The following PLPP5 variants were observed in gnomAD, a reference collection of about 807,000 sequenced individuals.
PLPP5 encodes the protein phospholipid phosphatase 5.
In PLPP5, 29 loss-of-function variants were observed where a neutral mutation model predicts 23.6. That is an observed-to-expected ratio of 1.23 (90% CI 0.92 to 1.68). PLPP5 has a LOEUF of 1.68. Among genes scored for constraint, PLPP5 ranks in the 40% most tolerant of loss-of-function variants. The pLI is 0.00. For missense variants in PLPP5, 315 were observed against 332.1 expected, an observed-to-expected ratio of 0.95 and a Z score of 0.40; for synonymous variants, 143 against 131.3, an observed-to-expected ratio of 1.09 and a Z score of -0.61.
At chr8:38,267,830 T>C in intron 4 of PLPP5, 67 bp downstream of exon 4, 2 of 1,464,796 alleles carry the variant, frequency 1.4e-6, no homozygotes, top group Non-Finnish European at 1.9e-6. Flanking sequence ...GTGGACACCA[T>C]TAACCTCTCT....
chr8:38,268,564 A>C lies in PLPP5; in HGVS notation c.184-103T>G, dbSNP rs149182633. 148 of 1,500,134 alleles carry C rather than the reference A, an allele frequency of 9.9e-5. No individual in the cohort carries two copies. In the African/African-American group the frequency reaches 1.9e-3, roughly 19 times the overall value. The allele number at this position is 1,500,134 out of a possible 1,614,324, so 92.9% of individuals were successfully genotyped here. The stretch of plus-strand genomic sequence containing the variant: ...CACAGCAGGACTCACTGGAGCTAAC[A>C]TAAGGTCTCTGAGTGCGCGTAACCG... On this transcript the variant is annotated intron_variant, in intron 2 of 6. Coordinates refer to ENST00000424479, the MANE Select transcript of PLPP5 (RefSeq NM_001102559.2).
chr8:38,264,371 G>C lies in PLPP5; in HGVS notation c.*73C>G. On this transcript the variant is annotated 3_prime_UTR_variant, in exon 7 of 7. Coordinates refer to ENST00000424479, the MANE Select transcript of PLPP5 (RefSeq NM_001102559.2). ...GGCCAGGCTGGTCCTGACCTCAGGTGATCCACCCTCCTCAGCCTCCCAAAG... is the reference window on the plus strand; with the variant it reads ...GGCCAGGCTGGTCCTGACCTCAGGTCATCCACCCTCCTCAGCCTCCCAAAG... 1 of 1,248,610 alleles carries C rather than the reference G, an allele frequency of 8.0e-7. No homozygotes were observed. The highest frequency in any genetic ancestry group is 1.1e-6 in the Non-Finnish European group (1 of 921,820). 77.3% of individuals were successfully genotyped at this position (1,248,610 alleles called of 1,614,324 possible). A position where few individuals can be genotyped will look rare whatever the true frequency, so the allele number is the denominator to read the frequency against.
Position 38,267,400 on chromosome 8 carries a change from AAGC to A in PLPP5, c.339-12_339-10del. ...AGAAATCTGGGCGTGGCCTGGAAGAAAGCAGCATGGTTGGAACGTAAATCATTA... is the reference window on the plus strand; with the variant it reads ...AGAAATCTGGGCGTGGCCTGGAAGAAAGCATGGTTGGAACGTAAATCATTA... On this transcript the variant is annotated splice_polypyrimidine_tract_variant and intron_variant, in intron 4 of 6. Transcript: ENST00000424479. The A allele has an allele frequency of 1.2e-6, 2 of 1,612,286 alleles. No individual in the cohort carries two copies. Among genetic ancestry groups the A allele is most frequent in the Non-Finnish European group, 1.7e-6 (2 of 1,178,908 alleles).
intron 4 of PLPP5, 139 bp downstream of exon 4, chr8:38,267,758 G>T: frequency 2.2e-6 from 2 of 908,000 alleles, no homozygotes; most frequent in Admixed American, 2.3e-5. Flanking sequence ...GGGAGTAAGC[G>T]TTGAATGACA....
intron 4 of PLPP5, chr8:38,267,627 GAC>G: frequency 3.2e-6 from 2 of 620,528 alleles, no homozygotes; most frequent in Non-Finnish European, 5.5e-6. Flanking sequence ...AACAGCAAAT[GAC>G]ACTGCAGCTT....
rs542608468 is a variant in PLPP5, at chr8:38,266,230, G to A, written c.545C>T (p.Ser182Phe). The A allele has an allele frequency of 1.9e-6, 3 of 1,613,850 alleles. No homozygotes were observed. The highest frequency in any genetic ancestry group is 2.5e-6 in the Non-Finnish European group (3 of 1,179,830). ...HCFTPQGRGK[S>F]WRFCAFLSPL... Reference sequence around the variant, plus strand: ...TGACAGAAAGGCACAGAACCTCCAAGATTTCCCACGGCCTTGTGGTGTGAA... The same window carrying A: ...TGACAGAAAGGCACAGAACCTCCAAAATTTCCCACGGCCTTGTGGTGTGAA... Residue 182 changes from serine (S) to phenylalanine (F), a missense_variant, in exon 6 of 7, where the codon TCT becomes TTT. Physicochemically the swap from Ser to Phe is radical, Grantham distance 155. Transcript: ENST00000424479.
chr8:38,263,478 G>T lies in PLPP5; in HGVS notation c.*966C>A. 1 of 985,298 alleles carries T rather than the reference G, an allele frequency of 1.0e-6. No individual in the cohort carries two copies. Among genetic ancestry groups the T allele is most frequent in the Non-Finnish European group, 1.2e-6 (1 of 829,786 alleles). The allele number at this position is 985,298 out of a possible 1,614,324, so 61.0% of individuals were successfully genotyped here. A position where few individuals can be genotyped will look rare whatever the true frequency, so the allele number is the denominator to read the frequency against. ...TCAAATGAGGTAGAAACAGTCATCT[G>T]TTAGTAGTGCTGAAACCACACTCCT... On this transcript the variant is annotated 3_prime_UTR_variant, in exon 7 of 7. Transcript: ENST00000424479.
chr8:38,267,844 C>T (rs1807901508), intron 4 of PLPP5, 53 bp downstream of exon 4: 2 of 1,538,820 alleles, frequency 1.3e-6, no homozygotes, highest in Non-Finnish European at 1.8e-6. Flanking sequence ...CCTCTCTGTT[C>T]TGGTGGGTAA....
rs1389423278 is a variant in PLPP5, at chr8:38,269,106, C to T, written c.74+20G>A. ...CCTGGGAAGCGGGGCCGCCCGGGCC[C>T]GGCCGTGGATCTTTCTTACAGGAAG... On this transcript the variant is annotated intron_variant, in intron 1 of 6. Transcript: ENST00000424479. 1.2e-5 allele frequency: 19 copies of T among 1,525,046 alleles called. No homozygotes were observed. The highest frequency in any genetic ancestry group is 6.0e-5 in the South Asian group (5 of 83,364). 94.5% of individuals were successfully genotyped at this position (1,525,046 alleles called of 1,614,324 possible). A position where few individuals can be genotyped will look rare whatever the true frequency, so the allele number is the denominator to read the frequency against.
In PLPP5 at chr8:38,264,355, G is replaced by T. The variant is rs1415455865; in HGVS notation, c.*89C>A. ...CAGGGTTCACCATGTTGGCCAGGCT[G>T]GTCCTGACCTCAGGTGATCCACCCT... On this transcript the variant is annotated 3_prime_UTR_variant, in exon 7 of 7. Transcript: ENST00000424479. 1 of 1,056,966 alleles carries T rather than the reference G, an allele frequency of 9.5e-7. No individual in the cohort carries two copies. Among genetic ancestry groups the T allele is most frequent in the East Asian group, 2.9e-5 (1 of 35,076 alleles). 65.5% of individuals were successfully genotyped at this position (1,056,966 alleles called of 1,614,324 possible).
intron 3 of PLPP5, 116 bp from the exon 4 acceptor site, chr8:38,268,076 GGCA>G (rs1444104600): frequency 6.5e-7 from 1 of 1,534,458 alleles, no homozygotes; most frequent in African/African-American, 1.4e-5. Context: ...ACCAGGCCTG[GGCA>G]CAAAAATAAT....
In PLPP5 at chr8:38,264,268, C is replaced by T; in HGVS notation, c.*176G>A. 2 of 726,384 alleles carry T rather than the reference C, an allele frequency of 2.8e-6. No homozygotes were observed. The highest frequency in any genetic ancestry group is 6.5e-5 in the South Asian group (2 of 30,606). 45.0% of individuals were successfully genotyped at this position (726,384 alleles called of 1,614,324 possible). A position where few individuals can be genotyped will look rare whatever the true frequency, so the allele number is the denominator to read the frequency against. On this transcript the variant is annotated 3_prime_UTR_variant, in exon 7 of 7. Coordinates refer to ENST00000424479, the MANE Select transcript of PLPP5 (RefSeq NM_001102559.2). ...GTTCAAGCAATTCTCCTACCTCAGC[C>T]TCCCAGGTAGCTGGGATTACGGCAC...
intron 5 of PLPP5, chr8:38,266,527 AGTAGCTGGGACTCCAT>A (rs1470898555): frequency 2.6e-4 from 121 of 473,004 alleles, no homozygotes; most frequent in African/African-American, 2.3e-3. Flanking sequence ...TAGCCTCCCG[AGTAGCTGGGACTCCAT>A]GTGTGTGCCA....
chr8:38,267,534 A>G (rs984290050), intron 4 of PLPP5, 143 bp from the exon 5 acceptor site: 1 of 938,942 alleles, frequency 1.1e-6, no homozygotes, highest in Admixed American at 3.0e-5. Flanking sequence ...TATAGTCACC[A>G]CACTAAGAGA....
intron 1 of PLPP5, 63 bp from the exon 2 acceptor site, chr8:38,269,053 C>T: frequency 6.6e-7 from 1 of 1,525,524 alleles, no homozygotes; most frequent in African/African-American, 1.4e-5. Flanking sequence ...CCCCACTGCC[C>T]GACCCGCCGC....
chr8:38,268,160 A>G (rs890920559), intron 3 of PLPP5, 200 bp from the exon 4 acceptor site: 2 of 1,321,296 alleles, frequency 1.5e-6, no homozygotes, highest in Non-Finnish European at 2.0e-6. Context: ...TCTGAGGTAC[A>G]AATAACCCAG....
chr8:38,263,893 A>G lies in PLPP5; in HGVS notation c.*551T>C. ...GTAGATCTTCAGATATTAATCTGAT[A>G]GACCAGATTCATAAGGTGTTGGACA... On this transcript the variant is annotated 3_prime_UTR_variant, in exon 7 of 7. Transcript: ENST00000424479. The G allele has an allele frequency of 1.0e-6, 1 of 984,378 alleles. No homozygotes were observed. The allele number at this position is 984,378 out of a possible 1,614,324, so 61.0% of individuals were successfully genotyped here.
At chr8:38,266,334 G>C in intron 5 of PLPP5, 23 bp from the exon 6 acceptor site, 2 of 1,600,628 alleles carry the variant, frequency 1.2e-6, no homozygotes, top group South Asian at 1.1e-5. Context: ...AAACTTTTAA[G>C]TGGTTTGTCT....
At chr8:38,267,038 T>TAAC (rs1807723194) in intron 5 of PLPP5, 2 of 1,411,478 alleles carry the variant, frequency 1.4e-6, no homozygotes, top group African/African-American at 1.4e-5. Flanking sequence ...GCAAATAATA[T>TAAC]AACAATTAAA....
Sources: allele counts gnomAD v4.1 joint callset, GRCh38; gene constraint gnomAD v4.1.1; transcripts MANE v1.5; gene names NCBI Gene and HGNC (gene_info 2026-07-23, HGNC 2026-07-21).